RARB: variants seen among roughly 807,000 people sequenced by gnomAD.
RARB encodes HBV-activated protein.
A neutral mutation model predicts 51.9 loss-of-function variants in RARB; 17 were observed. The observed-to-expected ratio is 0.33, with a 90% CI of 0.22 to 0.49. The LOEUF is 0.49. Ranked by LOEUF, RARB falls within the 20% of genes least tolerant of loss-of-function variation. The pLI, the probability that RARB is intolerant of heterozygous loss-of-function variation, is 0.99. For synonymous variants in RARB, 215 were observed against 195.4 expected, an observed-to-expected ratio of 1.10 and a Z score of -0.84; for missense variants, 369 against 550.8, an observed-to-expected ratio of 0.67 and a Z score of 3.30.
chr3:25,223,095 A>G (rs1447319534), intron 5 of RARB, among the ~76,000 whole-genome samples: 1 of 152,202 alleles, frequency 6.6e-6, no homozygotes, highest in Non-Finnish European at 1.5e-5. Flanking sequence ...AGATAACTAT[A>G]TATAATCATG....
At chr3:25,064,162 T>A (rs1178162588) in intron 3 of RARB, among the ~76,000 whole-genome samples, 2 of 152,128 alleles carry the variant, frequency 1.3e-5, no homozygotes, top group Admixed American at 6.6e-5. Flanking sequence ...CAAGCAAGCA[T>A]CCACTTTAGG....
intron 5 of RARB, among the ~76,000 whole-genome samples, chr3:25,352,589 T>C (rs1463266649): frequency 6.6e-6 from 1 of 152,228 alleles, no homozygotes; most frequent in East Asian, 1.9e-4. Flanking sequence ...GTTTTTCTTG[T>C]CTTTTTCTTT....
At chr3:25,450,617 G>T (rs1709150368) in intron 1 of RARB, among the ~76,000 whole-genome samples, 1 of 152,092 alleles carries the variant, frequency 6.6e-6, no homozygotes, top group Admixed American at 6.6e-5. Flanking sequence ...ATCTATAATT[G>T]GGGCCAGATA....
chr3:25,365,200 T>A (rs1706076315), intron 5 of RARB, among the ~76,000 whole-genome samples: 4 of 22,610 alleles, frequency 1.8e-4, no homozygotes, highest in African/African-American at 1.1e-3. Context: ...TCTTTCTTTC[T>A]TTTTTTTTTT....
intron 2 of RARB, among the ~76,000 whole-genome samples, chr3:25,465,733 G>C (rs1276892479): frequency 6.6e-6 from 1 of 152,096 alleles, no homozygotes; most frequent in Non-Finnish European, 1.5e-5. Flanking sequence ...CCAGGTGAGC[G>C]ATGGCAGTTT....
Position 25,381,384 on chromosome 3 carries a change from C to G in RARB, c.179-79809C>G, listed in dbSNP as rs543862560. On this transcript the variant is annotated intron_variant, in intron 5 of 11. Transcript: ENST00000383772. ...GTGCCAGACTTCCTGTGTTCCCGCA[C>G]CAACCCTAGTGCACACTTTAGCTGT... Among the ~76,000 whole-genome samples the G allele has an allele frequency of 2.0e-5, 3 of 152,272 alleles. No individual in the cohort carries two copies. In the South Asian group the frequency reaches 6.2e-4, roughly 32 times the overall value.
intron 2 of RARB, among the ~76,000 whole-genome samples, chr3:25,500,451 C>CTTTTTTTTTTTTTTTTTTTTTTTTTTT (rs1553624117): frequency 4.0e-5 from 2 of 49,940 alleles, no homozygotes; most frequent in African/African-American, 1.7e-4. Context: ...TCTTTCTTTT[C>CTTTTTTTTTTTTTTTTTTTTTTTTTTT]TTGTTTTTTT....
intron 2 of RARB, among the ~76,000 whole-genome samples, chr3:24,930,321 C>G (rs940715436): frequency 6.6e-6 from 1 of 151,264 alleles, no homozygotes; most frequent in Non-Finnish European, 1.5e-5. Flanking sequence ...GGGATGCATC[C>G]AGGGGCGTAA....
intron 3 of RARB, among the ~76,000 whole-genome samples, chr3:25,069,138 A>G (rs1698720754): frequency 6.6e-6 from 1 of 152,254 alleles, no homozygotes; most frequent in South Asian, 2.1e-4. Flanking sequence ...TGCAAAGAGA[A>G]GGGTAAGGAA....
At chr3:24,902,114 G>A (rs1251948276) in intron 2 of RARB, among the ~76,000 whole-genome samples, 1 of 152,074 alleles carries the variant, frequency 6.6e-6, no homozygotes, top group Non-Finnish European at 1.5e-5. Context: ...CTAGATTGAT[G>A]TTCTTATTAT....
At chr3:25,566,994 G>T (rs551839263) in intron 3 of RARB, among the ~76,000 whole-genome samples, 1 of 152,136 alleles carries the variant, frequency 6.6e-6, no homozygotes, top group Admixed American at 6.5e-5. Context: ...AGTGGCCCTT[G>T]CCACACAATC....
intron 2 of RARB, among the ~76,000 whole-genome samples, chr3:24,880,811 T>C (rs866977857): frequency 2.0e-5 from 3 of 152,248 alleles, no homozygotes; most frequent in Non-Finnish European, 4.4e-5. Context: ...TTGGGACATA[T>C]AGTTACTTTC....
chr3:25,334,041 AGGATGTGGAGAAACAG>A (rs1166615089), intron 5 of RARB, among the ~76,000 whole-genome samples: 5 of 152,236 alleles, frequency 3.3e-5, no homozygotes, highest in Non-Finnish European at 5.9e-5. Flanking sequence ...GGTGCTGGAG[AGGATGTGGAGAAACAG>A]GAACACTTTT....
chr3:24,975,299 T>A (rs1178696328), intron 2 of RARB, among the ~76,000 whole-genome samples: 1 of 152,180 alleles, frequency 6.6e-6, no homozygotes, highest in Non-Finnish European at 1.5e-5. Context: ...ATTTCTAAAA[T>A]TAACACTACT....
At chr3:25,588,869 C>G (rs1701507354) in intron 5 of RARB, among the ~76,000 whole-genome samples, 1 of 152,154 alleles carries the variant, frequency 6.6e-6, no homozygotes, top group Non-Finnish European at 1.5e-5. Flanking sequence ...AGACAGCAAG[C>G]AAGAAGGAAG....
At chr3:25,179,962 C>T (rs1000955170) in intron 5 of RARB, among the ~76,000 whole-genome samples, 1 of 152,160 alleles carries the variant, frequency 6.6e-6, no homozygotes, top group Non-Finnish European at 1.5e-5. Flanking sequence ...TAATGAGGAG[C>T]TGAGCTCATT....
At chr3:25,351,089 A>C (rs17016260) in intron 5 of RARB, among the ~76,000 whole-genome samples, 1 of 152,072 alleles carries the variant, frequency 6.6e-6, no homozygotes, top group Non-Finnish European at 1.5e-5. Flanking sequence ...GTGCAGCGCT[A>C]TATTATTTCC....
intron 4 of RARB, among the ~76,000 whole-genome samples, chr3:25,147,954 G>C (rs1700221435): frequency 6.6e-6 from 1 of 152,184 alleles, no homozygotes; most frequent in Non-Finnish European, 1.5e-5. Flanking sequence ...CATTAATGAA[G>C]GTAGGAAAAT....
intron 2 of RARB, among the ~76,000 whole-genome samples, chr3:24,910,541 C>G (rs1041896815): frequency 6.6e-6 from 1 of 152,090 alleles, no homozygotes; most frequent in African/African-American, 2.4e-5. Flanking sequence ...ATCCTATTTG[C>G]TCTAACAGAT....
Sources: gnomAD v4.1 joint callset for allele counts (sites outside exome capture counted in the v4.1 genomes callset) on GRCh38, gnomAD v4.1.1 for gene constraint, MANE v1.5 for transcripts, NCBI Gene and HGNC (gene_info 2026-07-23, HGNC 2026-07-21) for gene names.